The following EIF2AK4 variants were observed in gnomAD, a reference collection of about 807,000 sequenced individuals.
The protein encoded by EIF2AK4 is eukaryotic translation initiation factor 2 alpha kinase 4.
In EIF2AK4, 139 loss-of-function variants were observed where a neutral mutation model predicts 211.1. The ratio of observed to expected loss-of-function variants is 0.66; its 90% CI spans 0.57 to 0.76. The LOEUF (loss-of-function observed/expected upper bound fraction) is 0.76, where lower values mean the gene tolerates loss of function less well. Ranked by LOEUF, EIF2AK4 falls within the 30% of genes least tolerant of loss-of-function variation. EIF2AK4 has a pLI of 0.00. For synonymous variants in EIF2AK4, 710 were observed against 751.3 expected (o/e 0.94, Z 0.90); for missense variants, 1,664 against 2,043.8 (o/e 0.81, Z 3.58).
At chr15:39,984,037 AAG>A in intron 13 of EIF2AK4, among the ~76,000 whole-genome samples, 1 of 152,302 alleles carries the variant, frequency 6.6e-6, no homozygotes, top group Non-Finnish European at 1.5e-5. Flanking sequence ...TATAAGGTGT[AAG>A]GAAGGGATTT....
intron 13 of EIF2AK4, among the ~76,000 whole-genome samples, chr15:39,982,914 A>G (rs187784396): frequency 4.6e-5 from 7 of 152,318 alleles, no homozygotes; most frequent in Non-Finnish European, 1.0e-4. Flanking sequence ...TATAGTGTAT[A>G]TGTGCCACAT....
chr15:39,937,651 G>A (rs772804820), intron 1 of EIF2AK4, among the ~76,000 whole-genome samples: 4 of 150,470 alleles, frequency 2.7e-5, no homozygotes, highest in African/African-American at 7.3e-5. Context: ...AACCAAATTC[G>A]TCAAAGTTTA....
chr15:39,977,140 A>AAAACAC, intron 12 of EIF2AK4: 1 of 315,526 alleles, frequency 3.2e-6, no homozygotes, highest in Non-Finnish European at 5.8e-6. Context: ...TTTAAAAACA[A>AAAACAC]AAACAAAAAC....
chr15:39,961,548 A>G, intron 6 of EIF2AK4, among the ~76,000 whole-genome samples: 1 of 152,142 alleles, frequency 6.6e-6, no homozygotes, highest in East Asian at 1.9e-4. Context: ...TGTGGTTTTC[A>G]TGTGGAGAAG....
At chr15:39,962,969 A>G (rs975451061) in intron 7 of EIF2AK4, among the ~76,000 whole-genome samples, 22 of 152,212 alleles carry the variant, frequency 1.4e-4, no homozygotes, top group African/African-American at 5.3e-4. Flanking sequence ...ACAGGTAGCC[A>G]AATTATGTGA....
At chr15:39,987,626 C>A (rs2034883930) in intron 14 of EIF2AK4, among the ~76,000 whole-genome samples, 1 of 152,226 alleles carries the variant, frequency 6.6e-6, no homozygotes, top group South Asian at 2.1e-4. Context: ...GGTTAACTAA[C>A]CCTCCTTGTA....
rs141851308 is a variant in EIF2AK4 at position 39,982,387 on chromosome 15, A to T, written c.2320-3418A>T. Among the ~76,000 whole-genome samples, 256 of 152,352 alleles carry T rather than the reference A, an allele frequency of 1.7e-3. 1 individual carries two copies. In the Middle Eastern group the frequency reaches 0.024, roughly 14 times the overall value. Reference sequence around the variant, plus strand: ...CATAGATGGTTATCAGCGGTAAGAAAGAATTGACTTGACAAGGAGTTTTTC... The same window carrying T: ...CATAGATGGTTATCAGCGGTAAGAATGAATTGACTTGACAAGGAGTTTTTC... On this transcript the variant is annotated intron_variant, in intron 13 of 38. Coordinates refer to ENST00000263791, the MANE Select transcript of EIF2AK4 (RefSeq NM_001013703.4).
chr15:40,002,874 A>G, intron 22 of EIF2AK4, 86 bp downstream of exon 22: 1 of 1,425,428 alleles, frequency 7.0e-7, no homozygotes. Flanking sequence ...CGGGCATATC[A>G]TATTTTACTT....
chr15:40,022,653 G>A, intron 32 of EIF2AK4, 48 bp downstream of exon 32: 1 of 1,549,684 alleles, frequency 6.5e-7, no homozygotes, highest in South Asian at 1.1e-5. Flanking sequence ...GGTGTTACCT[G>A]TGGAGCACCT....
At chr15:40,033,136 A>C (rs2035566081) in intron 37 of EIF2AK4, among the ~76,000 whole-genome samples, 1 of 152,136 alleles carries the variant, frequency 6.6e-6, no homozygotes, top group South Asian at 2.1e-4. Flanking sequence ...AATCATTACC[A>C]CCCCAAAATG....
At chr15:40,007,674 C>G (rs2035179608) in intron 24 of EIF2AK4, among the ~76,000 whole-genome samples, 1 of 152,198 alleles carries the variant, frequency 6.6e-6, no homozygotes, top group African/African-American at 2.4e-5. Context: ...AAGCAAAGCT[C>G]TTTACATGCT....
At position 40,017,549 on chromosome 15, in the gene EIF2AK4, A is replaced by ATG. The variant is rs1567006907; in HGVS notation, c.4065+308_4065+309insGT. Among the ~76,000 whole-genome samples the ATG allele has an allele frequency of 4.6e-4, 35 of 76,670 alleles. 1 individual carries two copies. Among genetic ancestry groups the ATG allele is most frequent in the South Asian group, 1.8e-3 (4 of 2,216 alleles). The allele number at this position is 76,670 out of a possible 152,430, so 50.3% of individuals were successfully genotyped here. The stretch of plus-strand genomic sequence containing the variant: ...TATATATATATATATATATATATAT[A>ATG]TATATGTATTTTGGAGACAGGGCCT... On this transcript the variant is annotated intron_variant, in intron 29 of 38. Coordinates refer to ENST00000263791, the MANE Select transcript of EIF2AK4 (RefSeq NM_001013703.4).
At chr15:39,953,831 TC>T in intron 4 of EIF2AK4, 72 bp from the exon 5 acceptor site, 1 of 1,441,528 alleles carries the variant, frequency 6.9e-7, no homozygotes, top group Non-Finnish European at 9.5e-7. Context: ...AAAAGATTTT[TC>T]TGTAGTTCCA....
chr15:39,935,784 G>A (rs1052447231), intron 1 of EIF2AK4, among the ~76,000 whole-genome samples: 2 of 152,214 alleles, frequency 1.3e-5, no homozygotes, highest in Admixed American at 6.5e-5. Flanking sequence ...TTTGTTTTAG[G>A]CATTAGGAAT....
rs2034961716 is a variant in EIF2AK4, at chr15:39,992,794, T to C, written c.2712T>C (p.Thr904=). Reference sequence around the variant, plus strand: ...GTCACTTAACTGGGATGGTTGGCACTGCTCTCTATGTAAGCCCAGAGGTCC... The same window carrying C: ...GTCACTTAACTGGGATGGTTGGCACCGCTCTCTATGTAAGCCCAGAGGTCC... ...PSGHLTGMVG[T]ALYVSPEVQG... The change falls in exon 18 of 39, where the codon ACT becomes ACC. Residue 904 remains threonine (T), a synonymous_variant. Coordinates refer to ENST00000263791, the MANE Select transcript of EIF2AK4 (RefSeq NM_001013703.4). 3 of 1,614,116 alleles carry C rather than the reference T, an allele frequency of 1.9e-6. No homozygotes were observed. Among genetic ancestry groups the C allele is most frequent in the African/African-American group, 1.3e-5 (1 of 74,942 alleles).
intron 1 of EIF2AK4, among the ~76,000 whole-genome samples, chr15:39,938,230 T>C (rs1175877026): frequency 2.0e-5 from 3 of 152,138 alleles, no homozygotes; most frequent in African/African-American, 7.2e-5. Context: ...TGACACAGAG[T>C]CAGTGCTTAG....
At chr15:39,939,437 A>G (rs1359818614) in intron 1 of EIF2AK4, 68 bp from the exon 2 acceptor site, 19 of 887,762 alleles carry the variant, frequency 2.1e-5, no homozygotes, top group Non-Finnish European at 3.0e-5. Context: ...TAAAATGATC[A>G]TTATCTTAAT....
chr15:39,965,764 G>C lies in EIF2AK4; in HGVS notation c.938G>C (p.Trp313Ser). 1 of 1,614,078 alleles carries C rather than the reference G, an allele frequency of 6.2e-7. No individual in the cohort carries two copies. Among genetic ancestry groups the C allele is most frequent in the Non-Finnish European group, 8.5e-7 (1 of 1,179,972 alleles). ...ATGGFVLLYE[W>S]VLQWQKKMGP... ...GGTGGCTTTGTCTTGTTGTATGAGT[G>C]GGTCCTTCAGTGGCAGAAAAAAATG... The change falls in exon 8 of 39, where the codon TGG (tryptophan) becomes TCG (serine). Residue 313 changes from tryptophan (W) to serine (S), a missense_variant. Coordinates refer to ENST00000263791, the MANE Select transcript of EIF2AK4 (RefSeq NM_001013703.4).
intron 37 of EIF2AK4, among the ~76,000 whole-genome samples, chr15:40,033,617 A>C (rs992496302): frequency 6.6e-6 from 1 of 152,206 alleles, no homozygotes; most frequent in African/African-American, 2.4e-5. Flanking sequence ...CTAGTATTTT[A>C]TATATCATTT....
Sources: gnomAD v4.1 joint callset for allele counts (sites outside exome capture counted in the v4.1 genomes callset) on GRCh38, gnomAD v4.1.1 for gene constraint, MANE v1.5 for transcripts, NCBI Gene and HGNC (gene_info 2026-07-23, HGNC 2026-07-21) for gene names.